MED27: variants seen among roughly 807,000 people sequenced by gnomAD.
MED27 encodes the protein mediator of RNA polymerase II transcription subunit 27.
MED27 carries 30 observed loss-of-function variants against 38.2 expected under a neutral mutation model. The ratio of observed to expected loss-of-function variants is 0.79; its 90% confidence interval spans 0.59 to 1.07. The LOEUF is 1.07. MED27 is among the 50% of genes least tolerant of loss of function. The probability of loss-of-function intolerance (pLI) is 0.00; values close to 1 mark genes in which losing one functional copy is unlikely to be tolerated. For synonymous variants in MED27, 122 were observed against 153.5 expected (o/e 0.79, Z 1.52); for missense variants, 289 against 397.5 (o/e 0.73, Z 2.32).
intron 4 of MED27, among the ~76,000 whole-genome samples, chr9:131,895,547 G>A (rs4348548): frequency 0.85 from 129,552 of 152,210 alleles, 55,233 homozygotes; most frequent in Middle Eastern, 0.88. Flanking sequence ...CACCCCCAAC[G>A]TTTGATTCCT....
chr9:131,944,951 T>C (rs1830857324), intron 3 of MED27, among the ~76,000 whole-genome samples: 4 of 152,160 alleles, frequency 2.6e-5, no homozygotes, highest in Admixed American at 6.5e-5. Context: ...AGTCCATTCA[T>C]GGATCCCAAG....
At chr9:132,071,353 T>C (rs1833930854) in intron 2 of MED27, among the ~76,000 whole-genome samples, 1 of 147,558 alleles carries the variant, frequency 6.8e-6, no homozygotes, top group South Asian at 2.2e-4. Context: ...CACACATACG[T>C]GTAACATGCA....
At chr9:132,057,169 C>T (rs563410579) in intron 2 of MED27, among the ~76,000 whole-genome samples, 1 of 152,322 alleles carries the variant, frequency 6.6e-6, no homozygotes, top group South Asian at 2.1e-4. Context: ...TCCTTTTAAT[C>T]ACAAGAGCCT....
At chr9:131,929,219 C>T (rs561634537) in intron 4 of MED27, among the ~76,000 whole-genome samples, 1 of 152,346 alleles carries the variant, frequency 6.6e-6, no homozygotes, top group East Asian at 1.9e-4. Flanking sequence ...AACAGTGACA[C>T]CCAGGTGGTA....
chr9:132,053,178 A>C (rs950087461), intron 2 of MED27, among the ~76,000 whole-genome samples: 2 of 151,942 alleles, frequency 1.3e-5, no homozygotes, highest in East Asian at 1.9e-4. Context: ...GCCTGAACCC[A>C]GGAGGCGGAG....
chr9:131,983,953 G>A (rs1248877816), intron 3 of MED27, among the ~76,000 whole-genome samples: 1 of 152,146 alleles, frequency 6.6e-6, no homozygotes, highest in Non-Finnish European at 1.5e-5. Flanking sequence ...AACTGATCCA[G>A]CTGTATTTGA....
intron 2 of MED27, among the ~76,000 whole-genome samples, chr9:132,069,599 C>T (rs532778319): frequency 6.6e-6 from 1 of 152,182 alleles, no homozygotes; most frequent in Non-Finnish European, 1.5e-5. Flanking sequence ...CTGGAGCATA[C>T]AAAAAGGCTG....
intron 4 of MED27, among the ~76,000 whole-genome samples, chr9:131,928,060 G>A (rs1830514359): frequency 1.3e-5 from 2 of 152,142 alleles, no homozygotes; most frequent in Non-Finnish European, 2.9e-5. Flanking sequence ...TATACCAAAA[G>A]CAGATGAGAT....
chr9:131,905,222 GT>G (rs1320758979), intron 4 of MED27, among the ~76,000 whole-genome samples: 3 of 152,200 alleles, frequency 2.0e-5, no homozygotes, highest in African/African-American at 7.2e-5. Context: ...AAGATTCTAT[GT>G]GAATCAAGTG....
At position 132,030,538 on chromosome 9, in the gene MED27, A is replaced by G. The variant is rs1292986147; in HGVS notation, c.349-16071T>C. 2.6e-5 allele frequency among the ~76,000 whole-genome samples: 4 copies of G among 152,188 alleles called. No homozygotes were observed. The East Asian group carries it at 7.7e-4, about 29-fold the overall frequency. ...ATAATGAAATACTAGCATCCGACGG[A>G]TCTTCTTAGAAAGCATACTAGAGAC... On this transcript the variant is annotated intron_variant, in intron 2 of 7. Coordinates refer to ENST00000292035, the MANE Select transcript of MED27 (RefSeq NM_004269.4).
chr9:131,993,464 G>A lies in MED27; in HGVS notation c.479+20873C>T, dbSNP rs549993350. On this transcript the variant is annotated intron_variant, in intron 3 of 7. Coordinates refer to ENST00000292035, the MANE Select transcript of MED27 (RefSeq NM_004269.4). ...CCAGCTGTGGGAGGACAGTCAACAC[G>A]TGGGCTCCAGCTGTCAGCTCACGCA... 4.6e-5 allele frequency among the ~76,000 whole-genome samples: 7 copies of A among 152,296 alleles called. No individual in the cohort carries two copies. The East Asian group carries it at 1.4e-3, about 29-fold the overall frequency.
At chr9:131,906,173 G>C (rs2131526906) in intron 4 of MED27, among the ~76,000 whole-genome samples, 1 of 152,352 alleles carries the variant, frequency 6.6e-6, no homozygotes, top group East Asian at 1.9e-4. Flanking sequence ...CACGTGCCAA[G>C]CATCGTTCTA....
intron 6 of MED27, among the ~76,000 whole-genome samples, chr9:131,874,839 C>T (rs1044908712): frequency 2.8e-4 from 42 of 152,318 alleles, no homozygotes; most frequent in African/African-American, 8.4e-4. Context: ...CCCAAAGACA[C>T]CTGAATTGTT....
chr9:131,976,784 TAAATG>T (rs1190035316), intron 3 of MED27, among the ~76,000 whole-genome samples: 1 of 152,188 alleles, frequency 6.6e-6, no homozygotes, highest in African/African-American at 2.4e-5. Context: ...TCCAACCAAA[TAAATG>T]AATACAGCAG....
intron 1 of MED27, 45 bp downstream of exon 1, chr9:132,079,597 G>C: frequency 1.3e-6 from 2 of 1,596,664 alleles, no homozygotes; most frequent in Non-Finnish European, 1.7e-6. Context: ...GGCAGGGTCG[G>C]AGCGGGGCCG....
At chr9:132,054,363 A>G (rs746934264) in intron 2 of MED27, among the ~76,000 whole-genome samples, 1 of 152,210 alleles carries the variant, frequency 6.6e-6, no homozygotes, top group Non-Finnish European at 1.5e-5. Flanking sequence ...AGAAGCCCAG[A>G]AGCTCAGCAG....
intron 4 of MED27, among the ~76,000 whole-genome samples, chr9:131,903,673 T>C (rs1829995460): frequency 6.6e-6 from 1 of 152,150 alleles, no homozygotes; most frequent in African/African-American, 2.4e-5. Flanking sequence ...GAGCTACTAT[T>C]GGACACTGCA....
rs557113676 is a variant in MED27 at position 131,887,043 on chromosome 9, C to A, written c.682-2944G>T. Among the ~76,000 whole-genome samples the A allele has an allele frequency of 2.0e-5, 3 of 152,222 alleles. No individual in the cohort carries two copies. The East Asian group carries it at 5.8e-4, about 29-fold the overall frequency. ...TCTTCTGAACTTCTTCACTGTTTAC[C>A]CTTCCTGCCTGCTTACATCATACAT... On this transcript the variant is annotated intron_variant, in intron 5 of 7. Transcript: ENST00000292035.
At chr9:131,947,478 G>A (rs1171725562) in intron 3 of MED27, among the ~76,000 whole-genome samples, 1 of 152,118 alleles carries the variant, frequency 6.6e-6, no homozygotes, top group African/African-American at 2.4e-5. Context: ...GTACAAAGAT[G>A]CACGCTACCA....
Sources: gnomAD v4.1 joint callset for allele counts (sites outside exome capture counted in the v4.1 genomes callset) on GRCh38, gnomAD v4.1.1 for gene constraint, MANE v1.5 for transcripts, NCBI Gene and HGNC (gene_info 2026-07-23, HGNC 2026-07-21) for gene names.